TMED3: variants seen among roughly 807,000 people sequenced by gnomAD.
TMED3 encodes transmembrane emp24 domain-containing protein 3.
TMED3 carries 9 observed loss-of-function variants against 15.0 expected under a neutral mutation model. The observed-to-expected ratio is 0.60, with a 90% CI of 0.36 to 1.04. The LOEUF is 1.04. Among genes scored for constraint, TMED3 ranks in the 50% least tolerant of loss-of-function variants. The pLI, the probability that TMED3 is intolerant of heterozygous loss-of-function variation, is 0.01. For missense variants in TMED3, 267 were observed against 278.9 expected (o/e 0.96, Z 0.30); for synonymous variants, 117 against 121.4 (o/e 0.96, Z 0.24).
chr15:79,346,984 C>A (rs572847960), intron 2 of TMED3, among the ~76,000 whole-genome samples: 2 of 152,206 alleles, frequency 1.3e-5, no homozygotes, highest in East Asian at 3.9e-4. Context: ...TCTGCTAAAA[C>A]TACTCCAAAA....
chr15:79,340,431 C>T, intron 2 of TMED3, among the ~76,000 whole-genome samples: 1 of 152,230 alleles, frequency 6.6e-6, no homozygotes, highest in East Asian at 1.9e-4. Context: ...TCTATCTGGA[C>T]TGCAATTTCT....
exon 3 of TMED3, chr15:79,413,033 G>T (rs956092835): frequency 3.3e-5 from 5 of 151,896 alleles, no homozygotes; most frequent in Non-Finnish European, 7.4e-5. Flanking sequence ...AACCCTCAAG[G>T]TCATCAAATA....
At chr15:79,385,621 G>C (rs1052486568) in intron 2 of TMED3, among the ~76,000 whole-genome samples, 9 of 152,188 alleles carry the variant, frequency 5.9e-5, no homozygotes, top group Non-Finnish European at 1.3e-4. Context: ...CTGGTTGGGT[G>C]CCTGCAGCTG....
chr15:79,338,745 A>G (rs999522512), intron 2 of TMED3, among the ~76,000 whole-genome samples: 2 of 149,160 alleles, frequency 1.3e-5, no homozygotes, highest in African/African-American at 2.6e-5. Context: ...TGACCAGAAG[A>G]CAGAGTGCGA....
At chr15:79,374,038 A>T (rs1371960307) in intron 2 of TMED3, among the ~76,000 whole-genome samples, 1 of 152,160 alleles carries the variant, frequency 6.6e-6, no homozygotes, top group Non-Finnish European at 1.5e-5. Context: ...TTAAAGGTTA[A>T]ATCTCTTAGT....
chr15:79,407,637 T>C (rs1448863906), intron 2 of TMED3, among the ~76,000 whole-genome samples: 1 of 152,192 alleles, frequency 6.6e-6, no homozygotes, highest in Non-Finnish European at 1.5e-5. Context: ...TTTTTCTAAA[T>C]AAAGTTTTAT....
At chr15:79,365,137 AG>A (rs1893207411) in intron 2 of TMED3, among the ~76,000 whole-genome samples, 1 of 152,208 alleles carries the variant, frequency 6.6e-6, no homozygotes, top group East Asian at 1.9e-4. Context: ...ATGTCCTGAG[AG>A]GGGGATCAGG....
At chr15:79,398,328 C>G (rs1009727120) in intron 2 of TMED3, among the ~76,000 whole-genome samples, 4 of 152,094 alleles carry the variant, frequency 2.6e-5, no homozygotes, top group Non-Finnish European at 5.9e-5. Flanking sequence ...ATTTTAGAGA[C>G]AGGATCTTGC....
chr15:79,360,870 G>T (rs1275008856), intron 2 of TMED3, among the ~76,000 whole-genome samples: 1 of 152,056 alleles, frequency 6.6e-6, no homozygotes, highest in Non-Finnish European at 1.5e-5. Context: ...TATTTTTAGA[G>T]ACAGAGTCTC....
At chr15:79,341,019 C>T (rs923957668) in intron 2 of TMED3, among the ~76,000 whole-genome samples, 7 of 151,986 alleles carry the variant, frequency 4.6e-5, no homozygotes, top group Non-Finnish European at 5.9e-5. Context: ...CATACTGAGG[C>T]CCCATCTCTA....
intron 1 of TMED3, 67 bp downstream of exon 1, chr15:79,311,484 A>G (rs1596046297): frequency 2.0e-6 from 3 of 1,517,554 alleles, no homozygotes; most frequent in East Asian, 2.5e-5. Flanking sequence ...GACACTGGCT[A>G]GCCCCTGACT....
intron 2 of TMED3, among the ~76,000 whole-genome samples, chr15:79,409,469 G>A (rs1197039192): frequency 6.6e-6 from 1 of 152,192 alleles, no homozygotes; most frequent in Non-Finnish European, 1.5e-5. Flanking sequence ...TATTCCATTT[G>A]CAAAGTCACA....
intron 2 of TMED3, among the ~76,000 whole-genome samples, chr15:79,321,399 ATATG>A (rs2141217662): frequency 1.3e-5 from 2 of 152,338 alleles, no homozygotes; most frequent in South Asian, 4.1e-4. Context: ...CTGTTTATAT[ATATG>A]TGTCTTTGCA....
Position 79,367,688 on chromosome 15 carries a change from C to T in TMED3, c.418-43712C>T, listed in dbSNP as rs548983875. Among the ~76,000 whole-genome samples, 12 of 152,054 alleles carry T rather than the reference C, an allele frequency of 7.9e-5. No homozygotes were observed. In the South Asian group the frequency reaches 1.9e-3, roughly 24 times the overall value. On this transcript the variant is annotated intron_variant, in intron 2 of 2. Transcript: ENST00000424155. ...TGCCAGCAAAGGCTGTTGGACAACC[C>T]GATGGGTTGCAGGTACAGGATTTTT... is the stretch of plus-strand genomic sequence containing the variant.
At chr15:79,338,049 C>T (rs944851760) in intron 2 of TMED3, among the ~76,000 whole-genome samples, 1 of 152,136 alleles carries the variant, frequency 6.6e-6, no homozygotes, top group Non-Finnish European at 1.5e-5. Context: ...GAAAACCATC[C>T]AATGTGGTAT....
chr15:79,384,071 A>G (rs960958213), intron 2 of TMED3: 2 of 152,222 alleles, frequency 1.3e-5, no homozygotes, highest in Non-Finnish European at 2.9e-5. Context: ...CAGTGTTCCT[A>G]TGGAGATGGT....
chr15:79,357,390 CAGT>C (rs2058923468), intron 2 of TMED3, among the ~76,000 whole-genome samples: 1 of 134,466 alleles, frequency 7.4e-6, no homozygotes, highest in African/African-American at 2.9e-5. Context: ...GACGCTGAGG[CAGT>C]AGGATTGCTT....
intron 2 of TMED3, among the ~76,000 whole-genome samples, chr15:79,381,016 A>G (rs1252303984): frequency 6.6e-6 from 1 of 152,162 alleles, no homozygotes; most frequent in Non-Finnish European, 1.5e-5. Context: ...TAAAGAGAAG[A>G]TGGGCAAGGA....
intron 2 of TMED3, among the ~76,000 whole-genome samples, chr15:79,329,408 G>A (rs762372369): frequency 1.3e-5 from 2 of 152,254 alleles, no homozygotes; most frequent in Non-Finnish European, 2.9e-5. Context: ...CAGACATCCT[G>A]GCCAGAGTGA....
Sources: allele counts gnomAD v4.1 joint callset (sites outside exome capture counted in the v4.1 genomes callset), GRCh38; gene constraint gnomAD v4.1.1; transcripts MANE v1.5; gene names NCBI Gene and HGNC (gene_info 2026-07-23, HGNC 2026-07-21).